Variants in MAP4K4 observed in about 807,000 individuals in gnomAD.
MAP4K4 encodes the protein HPK/GCK-like kinase HGK.
Under a neutral mutation model 189.6 loss-of-function variants are expected in MAP4K4, and 38 were observed. The observed-to-expected ratio is 0.20, with a 90% confidence interval of 0.15 to 0.26. MAP4K4 has a LOEUF of 0.26. MAP4K4 is among the 10% of genes least tolerant of loss of function. The pLI is 1.00. For synonymous variants in MAP4K4, 610 were observed against 624.3 expected, an observed-to-expected ratio of 0.98 and a Z score of 0.34; for missense variants, 1,054 against 1,726.9, an observed-to-expected ratio of 0.61 and a Z score of 6.91.
At chr2:101,741,263 G>A (rs1343858051) in intron 2 of MAP4K4, among the ~76,000 whole-genome samples, 11 of 150,984 alleles carry the variant, frequency 7.3e-5, no homozygotes, top group African/African-American at 2.4e-4. Context: ...CGCCTCCTGG[G>A]TTCACGCCAT....
At chr2:101,724,154 C>T (rs1427675037) in intron 2 of MAP4K4, among the ~76,000 whole-genome samples, 1 of 152,114 alleles carries the variant, frequency 6.6e-6, no homozygotes, top group African/African-American at 2.4e-5. Flanking sequence ...TATTTAAAAA[C>T]GGTGGTGCTT....
chr2:101,834,381 T>C (rs754531338), intron 7 of MAP4K4, 28 bp from the exon 8 acceptor site: 2 of 1,560,866 alleles, frequency 1.3e-6, no homozygotes, highest in East Asian at 4.5e-5. Context: ...TACTCCAGTA[T>C]CTGTAACGTA....
At chr2:101,797,785 GAACT>G (rs2148917926) in intron 3 of MAP4K4, among the ~76,000 whole-genome samples, 2 of 148,856 alleles carry the variant, frequency 1.3e-5, no homozygotes, top group East Asian at 4.1e-4. Context: ...GTGATTTTGA[GAACT>G]AATAGTTCCA....
intron 31 of MAP4K4, among the ~76,000 whole-genome samples, chr2:101,888,368 A>G (rs2098517996): frequency 6.6e-6 from 1 of 152,204 alleles, no homozygotes; most frequent in Non-Finnish European, 1.5e-5. Flanking sequence ...TCTAGTTTGC[A>G]TTCAGTAATA....
At chr2:101,883,074 T>G (rs2098425213) in intron 28 of MAP4K4, among the ~76,000 whole-genome samples, 2 of 152,176 alleles carry the variant, frequency 1.3e-5, no homozygotes, top group Non-Finnish European at 2.9e-5. Context: ...CTGACTTGAG[T>G]CCTTTTTTAC....
At chr2:101,758,432 G>A (rs931443608) in intron 2 of MAP4K4, among the ~76,000 whole-genome samples, 5 of 152,212 alleles carry the variant, frequency 3.3e-5, no homozygotes, top group African/African-American at 1.2e-4. Flanking sequence ...ATACTCGGAT[G>A]TTTTTCAGCC....
intron 12 of MAP4K4, among the ~76,000 whole-genome samples, chr2:101,845,094 C>T (rs1237523535): frequency 1.3e-5 from 2 of 151,890 alleles, no homozygotes; most frequent in Non-Finnish European, 2.9e-5. Flanking sequence ...AAGGACCCTT[C>T]CCTAGAGCCT....
exon 13 of MAP4K4, chr2:101,856,045 A>G (rs1392325354): frequency 6.4e-7 from 1 of 1,551,706 alleles, no homozygotes; most frequent in African/African-American, 1.4e-5. Flanking sequence ...AACAAGAAGA[A>G]AAGAGGCGTC....
At chr2:101,744,808 A>G (rs2064468351) in intron 2 of MAP4K4, among the ~76,000 whole-genome samples, 1 of 152,214 alleles carries the variant, frequency 6.6e-6, no homozygotes, top group Non-Finnish European at 1.5e-5. Context: ...TAGCTAGCCT[A>G]TAGTTCCAAA....
intron 2 of MAP4K4, among the ~76,000 whole-genome samples, chr2:101,723,441 A>G (rs992612103): frequency 6.6e-6 from 1 of 152,204 alleles, no homozygotes; most frequent in Admixed American, 6.5e-5. Flanking sequence ...ATAAGCAGAG[A>G]CGGTAGATAA....
At chr2:101,752,146 T>C (rs920246883) in intron 2 of MAP4K4, among the ~76,000 whole-genome samples, 3 of 152,234 alleles carry the variant, frequency 2.0e-5, no homozygotes, top group Admixed American at 6.5e-5. Context: ...TGAACCTCCC[T>C]GTTTTTCCAG....
chr2:101,862,239 TTAAA>T (rs1350006929), intron 16 of MAP4K4: 1 of 78,114 alleles, frequency 1.3e-5, no homozygotes, highest in Non-Finnish European at 2.2e-5. Flanking sequence ...AGACTCCATC[TTAAA>T]AAAAAAAAAA....
chr2:101,741,903 A>G (rs2063002527), intron 2 of MAP4K4, among the ~76,000 whole-genome samples: 2 of 152,224 alleles, frequency 1.3e-5, no homozygotes, highest in Non-Finnish European at 2.9e-5. Flanking sequence ...GTACATGCCA[A>G]GTGTTTCACT....
chr2:101,885,467 T>C (rs1333284123), intron 29 of MAP4K4, among the ~76,000 whole-genome samples, 180 bp downstream of exon 29: 1 of 152,244 alleles, frequency 6.6e-6, no homozygotes, highest in East Asian at 1.9e-4. Flanking sequence ...AGCTGCTTTC[T>C]AAGCCCACAG....
At chr2:101,874,789 T>C (rs1353299085) in intron 26 of MAP4K4, among the ~76,000 whole-genome samples, 1 of 152,252 alleles carries the variant, frequency 6.6e-6, no homozygotes, top group African/African-American at 2.4e-5. Flanking sequence ...TATAAAATTA[T>C]ACAACTGTAC....
At chr2:101,805,481 C>T (rs2094839866) in intron 3 of MAP4K4, among the ~76,000 whole-genome samples, 1 of 152,204 alleles carries the variant, frequency 6.6e-6, no homozygotes, top group African/African-American at 2.4e-5. Flanking sequence ...TGGTGTCCCA[C>T]TAACATCCAA....
chr2:101,872,876 A>G (rs2098089340), intron 24 of MAP4K4, among the ~76,000 whole-genome samples: 3 of 152,164 alleles, frequency 2.0e-5, no homozygotes, highest in African/African-American at 2.4e-5. Flanking sequence ...TATATTTTAA[A>G]CTTTGCTCCA....
intron 2 of MAP4K4, among the ~76,000 whole-genome samples, chr2:101,780,784 G>A (rs1002474011): frequency 2.0e-5 from 3 of 152,188 alleles, no homozygotes; most frequent in African/African-American, 4.8e-5. Context: ...ATCTTCAACA[G>A]TAGAGTATTT....
chr2:101,743,211 T>A (rs1271416378), intron 2 of MAP4K4, among the ~76,000 whole-genome samples: 1 of 152,162 alleles, frequency 6.6e-6, no homozygotes, highest in Non-Finnish European at 1.5e-5. Context: ...GCAACTCAGA[T>A]GCTTCCGTCT....
Sources: gnomAD v4.1 joint callset for allele counts (sites outside exome capture counted in the v4.1 genomes callset) on GRCh38, gnomAD v4.1.1 for gene constraint, MANE v1.5 for transcripts, NCBI Gene and HGNC (gene_info 2026-07-23, HGNC 2026-07-21) for gene names.